The following SDHC variants were observed in gnomAD, a reference collection of about 807,000 sequenced individuals.
SDHC encodes succinate dehydrogenase complex subunit C.
Under a neutral mutation model 22.6 loss-of-function variants are expected in SDHC, and 11 were observed. The ratio of observed to expected loss-of-function variants is 0.49; its 90% confidence interval spans 0.31 to 0.81. SDHC has a LOEUF of 0.81. SDHC is among the 30% of genes least tolerant of loss of function. The probability of loss-of-function intolerance (pLI) is 0.05; values close to 1 mark genes in which losing one functional copy is unlikely to be tolerated. For missense variants in SDHC, 160 were observed against 212.0 expected (o/e 0.75, Z 1.52); for synonymous variants, 80 against 77.8 (o/e 1.03, Z -0.15).
chr1:161,320,715 A>G (rs1432194558), intron 1 of SDHC, among the ~76,000 whole-genome samples: 1 of 152,132 alleles, frequency 6.6e-6, no homozygotes, highest in Non-Finnish European at 1.5e-5. Context: ...TTTCTTGTGC[A>G]GTCCCCTCAG....
chr1:161,362,279 A>G (rs1206990741), intron 5 of SDHC, 50 bp from the exon 6 acceptor site: 1 of 1,580,886 alleles, frequency 6.3e-7, no homozygotes, highest in Non-Finnish European at 8.6e-7. Flanking sequence ...AGGAACTGTT[A>G]ATGTCCTATT....
chr1:161,335,828 T>C lies in SDHC; in HGVS notation c.180-4766T>C, dbSNP rs185496772. Among the ~76,000 whole-genome samples, 3 of 152,030 alleles carry C rather than the reference T, an allele frequency of 2.0e-5. No homozygotes were observed. The East Asian group carries it at 5.8e-4, about 29-fold the overall frequency. On this transcript the variant is annotated intron_variant, in intron 3 of 5. Transcript: ENST00000367975. ...TACATCATACATACATATATACATA[T>C]ATACATACATCTCTGTTTATCTCAT...
At chr1:161,331,576 G>A (rs1671272779) in intron 3 of SDHC, among the ~76,000 whole-genome samples, 2 of 150,366 alleles carry the variant, frequency 1.3e-5, no homozygotes, top group Admixed American at 6.6e-5. Context: ...CACTGTACCA[G>A]GCCTTGACAG....
intron 3 of SDHC, among the ~76,000 whole-genome samples, chr1:161,335,119 T>G (rs1336391367): frequency 6.6e-6 from 1 of 152,258 alleles, no homozygotes; most frequent in Non-Finnish European, 1.5e-5. Context: ...TTTAGAATGT[T>G]CCTTAATTTG....
chr1:161,333,621 C>G (rs749271356), intron 3 of SDHC, among the ~76,000 whole-genome samples: 1 of 152,106 alleles, frequency 6.6e-6, no homozygotes, highest in Non-Finnish European at 1.5e-5. Context: ...TCAGGATGGT[C>G]TTGATCTCTT....
At chr1:161,326,009 C>G (rs903810353) in intron 2 of SDHC, among the ~76,000 whole-genome samples, 1 of 152,036 alleles carries the variant, frequency 6.6e-6, no homozygotes, top group Non-Finnish European at 1.5e-5. Flanking sequence ...ACCATCCTGA[C>G]CAACCAACGT....
At chr1:161,335,915 C>A (rs773601546) in intron 3 of SDHC, among the ~76,000 whole-genome samples, 1 of 152,090 alleles carries the variant, frequency 6.6e-6, no homozygotes, top group Non-Finnish European at 1.5e-5. Context: ...CCCTGTAAAT[C>A]TGCTTTTTGT....
rs542174504 is a variant in SDHC at position 161,335,513 on chromosome 1, G to A, written c.180-5081G>A. ...TTTTCTAGATTTGTTTGTTTTGATA[G>A]GGTAAAGCTTGCTTTTTTTATCAGT... is the stretch of plus-strand genomic sequence containing the variant. On this transcript the variant is annotated intron_variant, in intron 3 of 5. Coordinates refer to ENST00000367975, the MANE Select transcript of SDHC (RefSeq NM_003001.5). 1.9e-3 allele frequency among the ~76,000 whole-genome samples: 295 copies of A among 152,152 alleles called. 1 individual carries two copies. Among genetic ancestry groups the A allele is most frequent in the African/African-American group, 6.6e-3 (275 of 41,500 alleles).
At chr1:161,328,373 C>CAA (rs1558167241) in intron 2 of SDHC, 23 bp from the exon 3 acceptor site, 5 of 1,551,700 alleles carry the variant, frequency 3.2e-6, no homozygotes, top group Non-Finnish European at 4.4e-6. Context: ...TAGTTATTTT[C>CAA]AAACGGTCTG....
chr1:161,322,320 G>A (rs1361028078), intron 1 of SDHC, among the ~76,000 whole-genome samples: 1 of 152,080 alleles, frequency 6.6e-6, no homozygotes, highest in Non-Finnish European at 1.5e-5. Flanking sequence ...AAGCAATTCT[G>A]GCACTGATGT....
chr1:161,356,169 A>G (rs1266071922), intron 4 of SDHC, among the ~76,000 whole-genome samples: 2 of 152,168 alleles, frequency 1.3e-5, no homozygotes, highest in African/African-American at 2.4e-5. Flanking sequence ...ATACTAAAAC[A>G]TATGGCACAT....
intron 5 of SDHC, among the ~76,000 whole-genome samples, chr1:161,360,345 A>G (rs1571895854): frequency 6.6e-6 from 1 of 152,156 alleles, no homozygotes; most frequent in East Asian, 1.9e-4. Context: ...GCTTGAGCTC[A>G]GGAGTTCAAA....
At chr1:161,354,596 C>T (rs1272367468) in intron 4 of SDHC, among the ~76,000 whole-genome samples, 1 of 150,522 alleles carries the variant, frequency 6.6e-6, no homozygotes, top group African/African-American at 2.4e-5. Flanking sequence ...TTATGGGAAA[C>T]AACTGGCCTC....
chr1:161,356,962 G>T (rs186163381), intron 5 of SDHC, 122 bp downstream of exon 5: 83 of 1,020,330 alleles, frequency 8.1e-5, no homozygotes, highest in Admixed American at 2.5e-4. Flanking sequence ...GTGGAGTCTC[G>T]CTCTATTGCC....
chr1:161,337,627 A>G (rs1463416925), intron 3 of SDHC, among the ~76,000 whole-genome samples: 5 of 152,208 alleles, frequency 3.3e-5, no homozygotes, highest in Non-Finnish European at 7.3e-5. Flanking sequence ...CAATATTTTT[A>G]CCTTGTCATT....
chr1:161,322,617 A>AT (rs1571841890), intron 1 of SDHC, among the ~76,000 whole-genome samples: 1 of 149,676 alleles, frequency 6.7e-6, no homozygotes, highest in Non-Finnish European at 1.5e-5. Flanking sequence ...CCCAGTCTGG[A>AT]GTGCAGTGGT....
Position 161,316,649 on chromosome 1 carries a change from G to A in SDHC, c.20+2224G>A, listed in dbSNP as rs147131380. On this transcript the variant is annotated intron_variant, in intron 1 of 5. Transcript: ENST00000367975. ...GCCAAGAAAGGTATATTTTTCATTA[G>A]TGGTAATCTGAAGCTCTCGTGGAAA... Among the ~76,000 whole-genome samples the A allele has an allele frequency of 4.1e-3, 627 of 152,274 alleles. 2 individuals are homozygous for A. Among genetic ancestry groups the A allele is most frequent in the African/African-American group, 0.015 (610 of 41,538 alleles).
intron 3 of SDHC, among the ~76,000 whole-genome samples, chr1:161,339,847 A>G (rs565064451): frequency 6.6e-6 from 1 of 151,450 alleles, no homozygotes; most frequent in South Asian, 2.1e-4. Flanking sequence ...CATCCGGCTA[A>G]TTTTGTATTT....
chr1:161,343,315 C>T lies in SDHC; in HGVS notation c.241+2660C>T, dbSNP rs182633748. ...TAAGGAACTGCTGATGAGACATTGG[C>T]AGGAATTATCTGAATCTAAGCCTCT... On this transcript the variant is annotated intron_variant, in intron 4 of 5. Transcript: ENST00000367975. Among the ~76,000 whole-genome samples the T allele has an allele frequency of 2.6e-5, 4 of 152,194 alleles. No individual in the cohort carries two copies. In the East Asian group the frequency reaches 7.7e-4, roughly 29 times the overall value.
Sources: allele counts gnomAD v4.1 joint callset (sites outside exome capture counted in the v4.1 genomes callset), GRCh38; gene constraint gnomAD v4.1.1; transcripts MANE v1.5; gene names NCBI Gene and HGNC (gene_info 2026-07-23, HGNC 2026-07-21).